Variants in SORBS2 observed in about 807,000 individuals in gnomAD.
SORBS2 encodes the protein sorbin and SH3 domain containing 2.
Under a neutral mutation model 97.7 loss-of-function variants are expected in SORBS2, and 46 were observed. The observed-to-expected ratio is 0.47, with a 90% CI of 0.37 to 0.60. The LOEUF is 0.60. SORBS2 is among the 20% of genes least tolerant of loss of function. The pLI is 0.00. For missense variants in SORBS2, 1,316 were observed against 1,282.3 expected (o/e 1.03, Z -0.40); for synonymous variants, 476 against 473.4 (o/e 1.01, Z -0.07).
intron 4 of SORBS2, chr4:185,665,587 G>T: frequency 5.2e-6 from 1 of 192,818 alleles, no homozygotes; most frequent in Non-Finnish European, 9.5e-6. Context: ...CTTATAGGAT[G>T]ACTAATGATT....
Position 185,634,257 on chromosome 4 carries a change from C to T in SORBS2, c.397-3659G>A, listed in dbSNP as rs115349933. ...ATATTTTCTTGAGACTCTATACCTGCAATTCCAGTGGTCACCACTATGTGT... is the reference window on the plus strand; with the variant it reads ...ATATTTTCTTGAGACTCTATACCTGTAATTCCAGTGGTCACCACTATGTGT... On this transcript the variant is annotated intron_variant, in intron 4 of 14. Transcript: ENST00000418609. Among the ~76,000 whole-genome samples the T allele has an allele frequency of 4.4e-3, 663 of 152,282 alleles. 6 individuals carry two copies. Among genetic ancestry groups the T allele is most frequent in the African/African-American group, 0.015 (622 of 41,568 alleles).
intron 4 of SORBS2, among the ~76,000 whole-genome samples, chr4:185,674,635 C>T (rs1386363172): frequency 6.6e-6 from 1 of 152,052 alleles, no homozygotes; most frequent in Non-Finnish European, 1.5e-5. Flanking sequence ...GCTTATAAGG[C>T]CTCCTGTCAT....
chr4:185,784,409 C>T (rs961127919), intron 1 of SORBS2, among the ~76,000 whole-genome samples: 5 of 152,310 alleles, frequency 3.3e-5, no homozygotes, highest in Middle Eastern at 3.4e-3. Context: ...GGATTACAAG[C>T]GTGAGCCACC....
At chr4:185,934,332 C>T (rs1211131127) in intron 1 of SORBS2, among the ~76,000 whole-genome samples, 1 of 152,168 alleles carries the variant, frequency 6.6e-6, no homozygotes, top group Non-Finnish European at 1.5e-5. Flanking sequence ...GGCACTGTCC[C>T]TGCCACGCAA....
At chr4:185,904,030 T>A (rs1415185161) in intron 1 of SORBS2, among the ~76,000 whole-genome samples, 3 of 152,102 alleles carry the variant, frequency 2.0e-5, no homozygotes, top group East Asian at 1.9e-4. Context: ...ATTGCATAAT[T>A]ATTATTATTT....
chr4:185,645,099 T>G (rs1157676202), intron 4 of SORBS2, among the ~76,000 whole-genome samples: 1 of 152,128 alleles, frequency 6.6e-6, no homozygotes, highest in Non-Finnish European at 1.5e-5. Flanking sequence ...AATAGAAACA[T>G]CGTGGTGGGA....
At chr4:185,807,350 T>G (rs1237590640) in intron 1 of SORBS2, among the ~76,000 whole-genome samples, 4 of 152,180 alleles carry the variant, frequency 2.6e-5, no homozygotes, top group African/African-American at 9.7e-5. Flanking sequence ...AGTGAAAGCT[T>G]TCTGAATTTT....
intron 2 of SORBS2, among the ~76,000 whole-genome samples, chr4:185,683,008 C>A (rs1262972849): frequency 7.8e-6 from 1 of 127,748 alleles, no homozygotes; most frequent in African/African-American, 3.1e-5. Context: ...CAAGACCCAC[C>A]CGTCTCAAAA....
rs541509601 is a variant in SORBS2 at position 185,900,203 on chromosome 4, TA to T, written c.-338+55992del. On this transcript the variant is annotated intron_variant, in intron 1 of 20. Transcript: ENST00000284776. ...TTAGAGGCAGACAATCGTTCATAAG[TA>T]AAAAGGCAGTGAAGTACATAGGACA... Among the ~76,000 whole-genome samples, 986 of 152,270 alleles carry T rather than the reference TA, an allele frequency of 6.5e-3. 3 individuals carry two copies. The highest frequency in any genetic ancestry group is 1.0e-2 in the Non-Finnish European group (679 of 68,006).
In SORBS2 at chr4:185,585,811, C is replaced by T. The variant is rs141606105; in HGVS notation, c.*1816G>A. 8.5e-5 allele frequency: 13 copies of T among 152,350 alleles called. No homozygotes were observed. The East Asian group carries it at 2.3e-3, about 27-fold the overall frequency. 9.4% of individuals were successfully genotyped at this position (152,350 alleles called of 1,614,324 possible). A position where few individuals can be genotyped will look rare whatever the true frequency, so the allele number is the denominator to read the frequency against. ...TTTAAAATATGAAGCTGGTTATGAA[C>T]TTGACAGAAATCAAGGTAGGCTACT... On this transcript the variant is annotated 3_prime_UTR_variant, in exon 15 of 15. Transcript: ENST00000418609.
At chr4:185,690,957 T>C (rs540428283) in intron 2 of SORBS2, among the ~76,000 whole-genome samples, 3 of 151,994 alleles carry the variant, frequency 2.0e-5, no homozygotes, top group African/African-American at 7.2e-5. Context: ...CACAGTGTAG[T>C]GGTGCGATCT....
intron 12 of SORBS2, among the ~76,000 whole-genome samples, chr4:185,608,255 G>A (rs2096467252): frequency 6.6e-6 from 1 of 152,208 alleles, no homozygotes; most frequent in South Asian, 2.1e-4. Flanking sequence ...ATCATTATAT[G>A]TTAACAAATT....
chr4:185,606,527 A>C lies in SORBS2; in HGVS notation c.2796+5253T>G. The C allele has an allele frequency of 2.0e-6, 2 of 981,426 alleles. No homozygotes were observed. Among genetic ancestry groups the C allele is most frequent in the Non-Finnish European group, 2.4e-6 (2 of 826,268 alleles). 60.8% of individuals were successfully genotyped at this position (981,426 alleles called of 1,614,324 possible). A position where few individuals can be genotyped will look rare whatever the true frequency, so the allele number is the denominator to read the frequency against. ...GGTATTTATTAATATGATTAACTCT[A>C]ATAGCTAATCATGGTAAGGCCGGTT... On this transcript the variant is annotated intron_variant, in intron 12 of 14. Coordinates refer to ENST00000418609, the Ensembl canonical transcript of SORBS2. This position sits in a 1 kb window ranked among gnomAD's most constrained non-coding sequence, Gnocchi z 4.3.
At chr4:185,929,050 C>T (rs10013071) in intron 1 of SORBS2, among the ~76,000 whole-genome samples, 103,554 of 152,098 alleles carry the variant, frequency 0.68, 35,603 homozygotes, top group Middle Eastern at 0.79. Context: ...TGGTTTATCA[C>T]AATTATAGTG....
chr4:185,639,998 A>G (rs1441044770), intron 4 of SORBS2, among the ~76,000 whole-genome samples: 2 of 152,136 alleles, frequency 1.3e-5, no homozygotes, highest in African/African-American at 4.8e-5. Flanking sequence ...GACTCGTTGC[A>G]TTTACAAGTT....
intron 2 of SORBS2, among the ~76,000 whole-genome samples, chr4:185,717,288 T>C (rs1186983095): frequency 6.6e-6 from 1 of 152,146 alleles, no homozygotes; most frequent in Non-Finnish European, 1.5e-5. Context: ...ACTGTCAAAA[T>C]GCCAGAAGAA....
intron 4 of SORBS2, among the ~76,000 whole-genome samples, chr4:185,631,145 C>T (rs1406571740): frequency 6.6e-6 from 1 of 152,108 alleles, no homozygotes; most frequent in Non-Finnish European, 1.5e-5. Flanking sequence ...TTAAATAAAA[C>T]CCACAGAGTT....
chr4:185,897,414 G>A (rs1200405835), intron 1 of SORBS2, among the ~76,000 whole-genome samples: 14 of 152,132 alleles, frequency 9.2e-5, no homozygotes, highest in South Asian at 2.1e-4. Flanking sequence ...ACACCCTTTC[G>A]TCCAATCCTA....
At chr4:185,828,480 CATT>C (rs1430509081) in intron 1 of SORBS2, among the ~76,000 whole-genome samples, 5 of 152,104 alleles carry the variant, frequency 3.3e-5, no homozygotes, top group Non-Finnish European at 7.4e-5. Context: ...TCATCATCAT[CATT>C]ATCATGGGCT....
Sources: allele counts gnomAD v4.1 joint callset (sites outside exome capture counted in the v4.1 genomes callset), GRCh38; gene constraint gnomAD v4.1.1; non-coding constraint Gnocchi (gnomAD v3.1); transcripts MANE v1.5; gene names NCBI Gene and HGNC (gene_info 2026-07-23, HGNC 2026-07-21).